Variants in ROS1 observed in about 807,000 individuals in gnomAD.
The protein encoded by ROS1 is ROS proto-oncogene 1, receptor tyrosine kinase, also known as proto-oncogene tyrosine-protein kinase ROS.
Under a neutral mutation model 273.5 loss-of-function variants are expected in ROS1, and 263 were observed. That is an observed-to-expected ratio of 0.96 (90% CI 0.87 to 1.06). The LOEUF is 1.06. Among genes scored for constraint, ROS1 ranks in the 50% least tolerant of loss-of-function variants. The pLI, the probability that ROS1 is intolerant of heterozygous loss-of-function variation, is 0.00. For synonymous variants in ROS1, 1,008 were observed against 954.1 expected (o/e 1.06, Z -1.04); for missense variants, 2,833 against 2,751.1 (o/e 1.03, Z -0.67).
chr6:117,322,392 CTG>C (rs1776346274), intron 35 of ROS1, among the ~76,000 whole-genome samples: 1 of 152,152 alleles, frequency 6.6e-6, no homozygotes, highest in African/African-American at 2.4e-5. Context: ...TTGCGCCTCT[CTG>C]TGAGTGCTTA....
At chr6:117,370,647 CAT>C (rs1717258940) in intron 18 of ROS1, among the ~76,000 whole-genome samples, 2 of 151,908 alleles carry the variant, frequency 1.3e-5, no homozygotes, top group South Asian at 4.1e-4. Flanking sequence ...AAAAATTAAA[CAT>C]ATATAAAGTT....
intron 4 of ROS1, among the ~76,000 whole-genome samples, chr6:117,413,519 T>A (rs1261300653): frequency 6.6e-6 from 1 of 152,154 alleles, no homozygotes; most frequent in Non-Finnish European, 1.5e-5. Context: ...GTAGGAAACA[T>A]CAAAACGTCA....
chr6:117,424,789 A>C (rs933790963), intron 1 of ROS1, among the ~76,000 whole-genome samples: 1 of 152,186 alleles, frequency 6.6e-6, no homozygotes, highest in African/African-American at 2.4e-5. Context: ...TAGTACTTGC[A>C]TTATGTTTAA....
At chr6:117,317,095 T>C (rs372788655) in intron 39 of ROS1, 48 bp downstream of exon 39, 49 of 1,576,288 alleles carry the variant, frequency 3.1e-5, no homozygotes, top group African/African-American at 4.1e-5. Flanking sequence ...TAGGGAATTA[T>C]AGGGCATTTG....
chr6:117,420,864 C>T (rs1222268453), intron 1 of ROS1, among the ~76,000 whole-genome samples: 1 of 151,690 alleles, frequency 6.6e-6, no homozygotes. Flanking sequence ...CAGCCTTTTG[C>T]ATACATATCT....
Position 117,337,233 on chromosome 6 carries a change from T to C in ROS1, c.5169A>G (p.Val1723=), listed in dbSNP as rs1195704409. The C allele has an allele frequency of 6.2e-7, 1 of 1,612,526 alleles. No individual in the cohort carries two copies. Among genetic ancestry groups the C allele is most frequent in the Non-Finnish European group, 8.5e-7 (1 of 1,179,044 alleles). The part of the protein sequence containing the change: ...LQPYTSYNVR[V]VVVYKTGENS... ...TTTCTCCCGTCTTATAAACCACCACTACTCTGACATTATATGAAGTATAAG... is the reference window on the plus strand; with the variant it reads ...TTTCTCCCGTCTTATAAACCACCACCACTCTGACATTATATGAAGTATAAG... Residue 1723 remains valine (V), a synonymous_variant, in exon 32 of 44, where the codon GTA becomes GTG. Transcript: ENST00000368507.
intron 35 of ROS1, 114 bp downstream of exon 35, chr6:117,324,218 T>C: frequency 4.7e-6 from 3 of 636,834 alleles, no homozygotes; most frequent in Non-Finnish European, 8.4e-6. Flanking sequence ...TAAATTTTAT[T>C]AACTTAATCA....
chr6:117,343,605 C>A (rs1419790275), intron 28 of ROS1, among the ~76,000 whole-genome samples: 1 of 152,142 alleles, frequency 6.6e-6, no homozygotes, highest in African/African-American at 2.4e-5. Flanking sequence ...TATTTCTCTG[C>A]ACATAGGAAA....
chr6:117,348,998 G>A (rs1425649002), intron 27 of ROS1, among the ~76,000 whole-genome samples: 1 of 151,806 alleles, frequency 6.6e-6, no homozygotes, highest in Non-Finnish European at 1.5e-5. Context: ...TTTATGTTCT[G>A]TCTTGGTGAA....
intron 13 of ROS1, among the ~76,000 whole-genome samples, 192 bp downstream of exon 13, chr6:117,389,158 A>C (rs1772839677): frequency 6.6e-6 from 1 of 152,260 alleles, no homozygotes; most frequent in African/African-American, 2.4e-5. Context: ...TGAGAAGTAT[A>C]GAGATTCTCC....
At position 117,319,937 on chromosome 6, in the gene ROS1, T is replaced by G. The variant is rs1452702302; in HGVS notation, c.5853A>C (p.Gly1951=). 2.5e-6 allele frequency: 4 copies of G among 1,613,488 alleles called. No homozygotes were observed. The highest frequency in any genetic ancestry group is 3.4e-6 in the Non-Finnish European group (4 of 1,179,602). The change falls in exon 37 of 44, where the codon GGA becomes GGC. Residue 1951 remains glycine (G), a synonymous_variant. Coordinates refer to ENST00000368507, the MANE Select transcript of ROS1 (RefSeq NM_001378902.1). ...CCACTGCTGTTCCTTCATACACTTC[T>G]CCAAAGGCTCCACTTCCCAGCAAGA... ...LRLLLGSGAF[G]EVYEGTAVDI...
Position 117,288,756 on chromosome 6 carries a change from T to A in ROS1, c.6762A>T (p.Pro2254=), listed in dbSNP as rs765785517. 4 of 1,611,450 alleles carry A rather than the reference T, an allele frequency of 2.5e-6. No homozygotes were observed. The highest frequency in any genetic ancestry group is 1.1e-5 in the South Asian group (1 of 90,298). The change falls in exon 44 of 44, where the codon CCA becomes CCT. Residue 2254 remains proline (P), a synonymous_variant. Transcript: ENST00000368507. ...VICLNSDDIM[P]VALMETKNRE... ...GGTTCTTCGTTTCCATTAAAGCAACTGGCATAATGTCATCTGAATTCAAAC... is the reference window on the plus strand; with the variant it reads ...GGTTCTTCGTTTCCATTAAAGCAACAGGCATAATGTCATCTGAATTCAAAC...
chr6:117,352,428 G>A (rs79669379), intron 27 of ROS1, among the ~76,000 whole-genome samples: 1,717 of 152,246 alleles, frequency 0.011, 32 homozygotes, highest in African/African-American at 0.039. Flanking sequence ...GGAAAAGTAG[G>A]ATGAGGGGCA....
At chr6:117,385,448 G>A (rs1200649757) in intron 16 of ROS1, among the ~76,000 whole-genome samples, 6 of 152,000 alleles carry the variant, frequency 3.9e-5, no homozygotes, top group Non-Finnish European at 7.4e-5. Context: ...CCAGCTACTC[G>A]GGAGGCAGAG....
chr6:117,355,193 A>G (rs888965350), intron 26 of ROS1, among the ~76,000 whole-genome samples: 4 of 152,238 alleles, frequency 2.6e-5, no homozygotes, highest in African/African-American at 9.6e-5. Context: ...AAGAGGACTC[A>G]GAGGAGCATA....
chr6:117,393,439 C>A, intron 11 of ROS1, 118 bp from the exon 12 acceptor site: 1 of 684,458 alleles, frequency 1.5e-6, no homozygotes, highest in South Asian at 2.0e-5. Flanking sequence ...CTGAGCACTG[C>A]CCAAGACAAA....
At chr6:117,294,671 T>A (rs959610235) in intron 43 of ROS1, among the ~76,000 whole-genome samples, 1 of 152,056 alleles carries the variant, frequency 6.6e-6, no homozygotes, top group African/African-American at 2.4e-5. Context: ...CCAAAAATAA[T>A]CTAGCTGATA....
At position 117,343,159 on chromosome 6, in the gene ROS1, G is replaced by A. The variant is rs186552101; in HGVS notation, c.4507-615C>T. 3.9e-5 allele frequency among the ~76,000 whole-genome samples: 6 copies of A among 152,048 alleles called. No individual in the cohort carries two copies. In the East Asian group the frequency reaches 1.2e-3, roughly 29 times the overall value. ...GTCTTAGACCACTGTTAATCAATGA[G>A]AAGACAATAAGATAGATTAAATTTA... On this transcript the variant is annotated intron_variant, in intron 28 of 43. Coordinates refer to ENST00000368507, the MANE Select transcript of ROS1 (RefSeq NM_001378902.1).
chr6:117,321,141 G>T, intron 36 of ROS1, 118 bp downstream of exon 36: 4 of 1,012,366 alleles, frequency 4.0e-6, no homozygotes, highest in Non-Finnish European at 5.5e-6. Flanking sequence ...TAATAATTAT[G>T]CCAGAAAAAC....
Sources: allele counts gnomAD v4.1 joint callset (sites outside exome capture counted in the v4.1 genomes callset), GRCh38; gene constraint gnomAD v4.1.1; transcripts MANE v1.5; gene names NCBI Gene and HGNC (gene_info 2026-07-23, HGNC 2026-07-21).